DNMT1: variants seen among roughly 807,000 people sequenced by gnomAD.
The protein encoded by DNMT1 is DNA methyltransferase 1.
Under a neutral mutation model 205.3 loss-of-function variants are expected in DNMT1, and 24 were observed. The ratio of observed to expected loss-of-function variants is 0.12; its 90% confidence interval spans 0.08 to 0.16. The LOEUF is 0.16. DNMT1 is among the 10% of genes least tolerant of loss of function. The pLI, the probability that DNMT1 is intolerant of heterozygous loss-of-function variation, is 1.00. For missense variants in DNMT1, 1,293 were observed against 2,177.7 expected, an observed-to-expected ratio of 0.59 and a Z score of 8.09; for synonymous variants, 817 against 839.8, an observed-to-expected ratio of 0.97 and a Z score of 0.47.
intron 1 of DNMT1, among the ~76,000 whole-genome samples, chr19:10,193,219 G>C (rs58494743): frequency 0.015 from 2,270 of 152,174 alleles, 55 homozygotes; most frequent in African/African-American, 0.052. Context: ...AGTCATCTGG[G>C]CATGGTGGTG....
Position 10,154,441 on chromosome 19 carries a change from G to T in DNMT1, c.1871C>A (p.Thr624Asn). 6.2e-7 allele frequency: 1 copy of T among 1,614,212 alleles called. No homozygotes were observed. Among genetic ancestry groups the T allele is most frequent in the Non-Finnish European group, 8.5e-7 (1 of 1,180,032 alleles). ...QARRQTIRHS[T>N]REKDRGPTKA... ...CGTGGGTCCCCTGTCCTTCTCCCTG[G>T]TAGAATGCCTGATGGTCTGCCGCCT... is the stretch of plus-strand genomic sequence containing the variant. The change falls in exon 22 of 41, where the codon ACC becomes AAC. Residue 624 changes from threonine to asparagine, a missense_variant. Thr to Asn is a moderately conservative substitution (Grantham distance 65). This residue lies in a region of DNMT1 where 197 missense variants were observed against 353.6 expected (regional missense o/e 0.56). Coordinates refer to ENST00000359526, the MANE Select transcript of DNMT1 (RefSeq NM_001130823.3). This position sits in a 1 kb window ranked among gnomAD's most constrained non-coding sequence, Gnocchi z 6.3.
chr19:10,136,655 C>T (rs1038293798), intron 37 of DNMT1, among the ~76,000 whole-genome samples: 5 of 152,096 alleles, frequency 3.3e-5, no homozygotes, highest in African/African-American at 2.4e-5. Flanking sequence ...AGGCTGATCT[C>T]GAGCTCCTGA....
intron 28 of DNMT1, 144 bp from the exon 29 acceptor site, chr19:10,144,131 T>C: frequency 1.2e-6 from 1 of 868,866 alleles, no homozygotes; most frequent in Non-Finnish European, 1.9e-6. Flanking sequence ...TGATTTAGGC[T>C]GGGCATTGTG....
At position 10,137,018 on chromosome 19, in the gene DNMT1, G is replaced by A. The variant is rs565056594; in HGVS notation, c.4489+67C>T. 2.4e-5 allele frequency: 38 copies of A among 1,565,446 alleles called. No individual in the cohort carries two copies. Among genetic ancestry groups the A allele is most frequent in the Non-Finnish European group, 3.0e-5 (35 of 1,154,118 alleles). On this transcript the variant is annotated intron_variant, in intron 37 of 40. Coordinates refer to ENST00000359526, the MANE Select transcript of DNMT1 (RefSeq NM_001130823.3). The surrounding 1 kb of genome is among the most constrained non-coding windows in gnomAD (Gnocchi z 6.4). ...CCTGCCCTGGCCTCCAGGTTCACAG[G>A]CCAAAGGCCCAGGGCTCTGCCTTCC... is the stretch of plus-strand genomic sequence containing the variant.
intron 1 of DNMT1, 150 bp downstream of exon 1, chr19:10,194,670 G>T: frequency 8.9e-7 from 1 of 1,129,450 alleles, no homozygotes; most frequent in Non-Finnish European, 1.2e-6. Context: ...GTGCCACCCT[G>T]CCCGCGCCAA....
Position 10,136,273 on chromosome 19 carries a change from C to T in DNMT1, c.4504G>A (p.Asp1502Asn). The T allele has an allele frequency of 6.2e-7, 1 of 1,613,966 alleles. No homozygotes were observed. Residue 1502 changes from aspartate to asparagine, a missense_variant, in exon 38 of 41, where the codon GAC becomes AAC. This residue lies in a region of DNMT1 where 148 missense variants were observed against 256.1 expected (regional missense o/e 0.58). Transcript: ENST00000359526. ...CSCVEAGKAC[D>N]PAARQFNTLI... Reference sequence around the variant, plus strand: ...GTGTTGAACTGCCTGGCTGCGGGGTCGCAGGCTTTGCCGGCTGGAAGACAG... The same window carrying T: ...GTGTTGAACTGCCTGGCTGCGGGGTTGCAGGCTTTGCCGGCTGGAAGACAG...
chr19:10,170,850 G>A (rs990027950), intron 9 of DNMT1, among the ~76,000 whole-genome samples: 1 of 152,100 alleles, frequency 6.6e-6, no homozygotes, highest in African/African-American at 2.4e-5. Context: ...CTGGATTGCA[G>A]TGGGACAATC....
chr19:10,178,329 G>C (rs2038974478), intron 5 of DNMT1, among the ~76,000 whole-genome samples: 1 of 151,354 alleles, frequency 6.6e-6, no homozygotes, highest in Admixed American at 6.6e-5. Context: ...GGCCAAGGCA[G>C]GTGGATCACC....
At chr19:10,194,686 G>T in intron 1 of DNMT1, 134 bp downstream of exon 1, 1 of 1,259,666 alleles carries the variant, frequency 7.9e-7, no homozygotes, top group Non-Finnish European at 1.0e-6. Context: ...GCCAACTGCC[G>T]CTGCGCGCCG....
In DNMT1 at chr19:10,148,983, T is replaced by C. The variant is rs571299133; in HGVS notation, c.2621A>G (p.Asp874Gly). The C allele has an allele frequency of 1.9e-6, 3 of 1,613,890 alleles. No individual in the cohort carries two copies. In the African/African-American group the frequency reaches 4.0e-5, roughly 22 times the overall value. ...GMDPESLLEG[D>G]DGKTYFYQLW... ...CTGGTAGAAGTAGGTCTTCCCGTCG[T>C]CCCCCTCCAGCAGGGACTCGGGATC... The change falls in exon 27 of 41, where the codon GAC becomes GGC. Residue 874 changes from aspartate (D) to glycine (G), a missense_variant. Asp to Gly is a moderately conservative substitution (Grantham distance 94). Coordinates refer to ENST00000359526, the MANE Select transcript of DNMT1 (RefSeq NM_001130823.3).
intron 5 of DNMT1, 41 bp from the exon 6 acceptor site, chr19:10,177,408 C>G (rs1599392635): frequency 6.4e-7 from 1 of 1,556,306 alleles, no homozygotes. Context: ...AAAAAAAAAG[C>G]CACTATCAAT....
At chr19:10,148,821 G>T in intron 27 of DNMT1, 63 bp downstream of exon 27, 1 of 1,612,336 alleles carries the variant, frequency 6.2e-7, no homozygotes, top group Non-Finnish European at 8.5e-7. Flanking sequence ...GGAAGCACAC[G>T]GGAAAAGGGA....
At chr19:10,165,231 A>G (rs1220813641) in intron 11 of DNMT1, among the ~76,000 whole-genome samples, 1 of 152,094 alleles carries the variant, frequency 6.6e-6, no homozygotes, top group African/African-American at 2.4e-5. Context: ...TGATTGCACC[A>G]CTGCATTCCA....
At chr19:10,181,278 T>C (rs897660926) in intron 2 of DNMT1, among the ~76,000 whole-genome samples, 10 of 151,894 alleles carry the variant, frequency 6.6e-5, no homozygotes, top group Non-Finnish European at 1.5e-4. Context: ...CAAAATCCCA[T>C]CTTTACAAAA....
chr19:10,137,644 C>T lies in DNMT1; in HGVS notation c.4293+188G>A, dbSNP rs2089515590. On this transcript the variant is annotated intron_variant, in intron 36 of 40. Coordinates refer to ENST00000359526, the MANE Select transcript of DNMT1 (RefSeq NM_001130823.3). This position sits in a 1 kb window ranked among gnomAD's most constrained non-coding sequence, Gnocchi z 6.4. ...ACACCATTCCAGACCAAGTCCAGGA[C>T]TGCGGGAGCTCTGACACTTCCCATG... is the stretch of plus-strand genomic sequence containing the variant. 1.2e-6 allele frequency: 1 copy of T among 834,250 alleles called. No individual in the cohort carries two copies. The highest frequency in any genetic ancestry group is 1.9e-6 in the Non-Finnish European group (1 of 525,538). 51.7% of individuals were successfully genotyped at this position (834,250 alleles called of 1,614,324 possible). A position where few individuals can be genotyped will look rare whatever the true frequency, so the allele number is the denominator to read the frequency against.
rs193020991 is a variant in DNMT1, at chr19:10,176,357, G to A, written c.570-739C>T. 2.0e-5 allele frequency among the ~76,000 whole-genome samples: 3 copies of A among 152,234 alleles called. No homozygotes were observed. In the East Asian group the frequency reaches 5.8e-4, roughly 29 times the overall value. On this transcript the variant is annotated intron_variant, in intron 6 of 40. Transcript: ENST00000359526. ...AATGGCAAGAAGATAAGAGATGAAG[G>A]AATTTAAAATCTGTGAGGAATTTTA...
At chr19:10,150,046 CTTA>C in intron 24 of DNMT1, 78 bp from the exon 25 acceptor site, 2 of 1,247,268 alleles carry the variant, frequency 1.6e-6, no homozygotes, top group Non-Finnish European at 2.4e-6. Flanking sequence ...TCCTCTGTTA[CTTA>C]AAGTAAGACA....
At chr19:10,168,752 C>T (rs1162219166) in intron 9 of DNMT1, among the ~76,000 whole-genome samples, 1 of 152,236 alleles carries the variant, frequency 6.6e-6, no homozygotes, top group Non-Finnish European at 1.5e-5. Context: ...TCTCTACTTC[C>T]GATATTAAAG....
At chr19:10,182,596 GTGTATATATGTA>G (rs1599400830) in intron 1 of DNMT1, among the ~76,000 whole-genome samples, 3 of 150,520 alleles carry the variant, frequency 2.0e-5, no homozygotes, top group Admixed American at 1.3e-4. Context: ...CAGAGTATGT[GTGTATATATGTA>G]TGTATATATG....
Sources: gnomAD v4.1 joint callset for allele counts (sites outside exome capture counted in the v4.1 genomes callset) on GRCh38, gnomAD v4.1.1 for gene constraint, gnomAD v4.1.1 regional missense constraint, Gnocchi (gnomAD v3.1) non-coding constraint, MANE v1.5 for transcripts, NCBI Gene and HGNC (gene_info 2026-07-23, HGNC 2026-07-21) for gene names.